The following EFHC2 variants were observed in gnomAD, a reference collection of about 807,000 sequenced individuals.
EFHC2 encodes EF-hand domain-containing family member C2.
Under a neutral mutation model 52.7 loss-of-function variants are expected in EFHC2, and 18 were observed. That is an observed-to-expected ratio of 0.34 (90% CI 0.24 to 0.51). The LOEUF is 0.51. Among genes scored for constraint, EFHC2 ranks in the 20% least tolerant of loss-of-function variants. The probability of loss-of-function intolerance (pLI) is 0.97; values close to 1 mark genes in which losing one functional copy is unlikely to be tolerated. For synonymous variants in EFHC2, 203 were observed against 204.1 expected, an observed-to-expected ratio of 0.99 and a Z score of 0.04; for missense variants, 513 against 562.5, an observed-to-expected ratio of 0.91 and a Z score of 0.89.
intron 14 of EFHC2, among the ~76,000 whole-genome samples, chrX:44,163,471 C>T (rs934165306): frequency 5.4e-5 from 6 of 111,765 alleles, no homozygotes; most frequent in Admixed American, 4.8e-4. Context: ...TTTGGTTTCA[C>T]TGTGAAATGT....
At chrX:44,162,645 C>T in intron 14 of EFHC2, among the ~76,000 whole-genome samples, 2 of 111,661 alleles carry the variant, frequency 1.8e-5, no homozygotes, top group Non-Finnish European at 3.8e-5. Flanking sequence ...CCATGCTGTC[C>T]CATGTCCAGA....
chrX:44,300,906 C>T (rs193169680), intron 2 of EFHC2, among the ~76,000 whole-genome samples: 215 of 109,259 alleles, frequency 2.0e-3, no homozygotes, highest in African/African-American at 6.9e-3. Context: ...GTCAGGAGAT[C>T]GAGACCATCC....
At chrX:44,333,686 C>T (rs1333271335) in intron 1 of EFHC2, among the ~76,000 whole-genome samples, 6 of 110,305 alleles carry the variant, frequency 5.4e-5, no homozygotes, top group African/African-American at 1.7e-4. Context: ...CCCTCTTTTC[C>T]CTTTCCCACC....
chrX:44,187,905 G>A (rs781117217), intron 11 of EFHC2, among the ~76,000 whole-genome samples: 2 of 110,101 alleles, frequency 1.8e-5, no homozygotes, highest in African/African-American at 6.6e-5. Context: ...CCACAGCAAT[G>A]GAATATCCTT....
At chrX:44,202,060 A>C (rs1466416344) in intron 11 of EFHC2, among the ~76,000 whole-genome samples, 1 of 112,326 alleles carries the variant, frequency 8.9e-6, no homozygotes, top group Admixed American at 9.4e-5. Flanking sequence ...CATAAGGATT[A>C]GAAAGGAAGA....
intron 2 of EFHC2, among the ~76,000 whole-genome samples, chrX:44,278,229 G>A (rs760328927): frequency 2.7e-5 from 3 of 111,873 alleles, no homozygotes; most frequent in Non-Finnish European, 5.6e-5. Context: ...ACAAAAAATA[G>A]CCAGGCACGG....
chrX:44,161,484 G>A (rs927215564), intron 14 of EFHC2, among the ~76,000 whole-genome samples: 16 of 111,597 alleles, frequency 1.4e-4, no homozygotes, highest in South Asian at 3.8e-4. Flanking sequence ...GGAGGAGGCC[G>A]TCAATCTGCT....
At chrX:44,308,677 G>A (rs2037923765) in intron 2 of EFHC2, among the ~76,000 whole-genome samples, 1 of 111,864 alleles carries the variant, frequency 8.9e-6, no homozygotes, top group African/African-American at 3.2e-5. Flanking sequence ...TCTTCTATCT[G>A]GCACCAACAG....
At chrX:44,158,364 C>T (rs1475283399) in intron 14 of EFHC2, among the ~76,000 whole-genome samples, 1 of 111,359 alleles carries the variant, frequency 9.0e-6, no homozygotes, top group Non-Finnish European at 1.9e-5. Flanking sequence ...GTCCTGGTAA[C>T]TTCTACAGAG....
intron 1 of EFHC2, among the ~76,000 whole-genome samples, chrX:44,320,239 G>A (rs995846406): frequency 8.9e-6 from 1 of 112,252 alleles, no homozygotes; most frequent in Admixed American, 9.5e-5. Flanking sequence ...CACTGCAACT[G>A]GCTTGGAGTA....
chrX:44,280,703 T>C lies in EFHC2; in HGVS notation c.232-7867A>G, dbSNP rs139240043. On this transcript the variant is annotated intron_variant, in intron 2 of 14. Coordinates refer to ENST00000420999, the MANE Select transcript of EFHC2 (RefSeq NM_025184.4). ...GTGTTAGCAATAACCAGCTAGACCATACAATGGGGGGAAAGTATGTTCATA... is the reference window on the plus strand; with the variant it reads ...GTGTTAGCAATAACCAGCTAGACCACACAATGGGGGGAAAGTATGTTCATA... 2.2e-3 allele frequency among the ~76,000 whole-genome samples: 246 copies of C among 111,806 alleles called. 1 individual carries two copies. The highest frequency in any genetic ancestry group is 7.6e-3 in the African/African-American group (234 of 30,799).
intron 4 of EFHC2, among the ~76,000 whole-genome samples, chrX:44,254,320 C>T (rs1434734960): frequency 9.0e-6 from 1 of 111,726 alleles, no homozygotes; most frequent in Non-Finnish European, 1.9e-5. Flanking sequence ...ATAACTAACT[C>T]CTCTGAGCTA....
chrX:44,310,312 G>C, intron 2 of EFHC2: 1 of 920,695 alleles, frequency 1.1e-6, no homozygotes, highest in Non-Finnish European at 1.5e-6. Flanking sequence ...TTCGGCTCGC[G>C]GGCTCCTGGA....
intron 13 of EFHC2, among the ~76,000 whole-genome samples, chrX:44,172,362 CAATCAG>C (rs1315843211): frequency 8.9e-6 from 1 of 112,334 alleles, no homozygotes; most frequent in Non-Finnish European, 1.9e-5. Flanking sequence ...TATGGTCTAA[CAATCAG>C]AATTTTTTGC....
At chrX:44,185,944 C>G (rs376515861) in intron 11 of EFHC2, among the ~76,000 whole-genome samples, 9 of 112,252 alleles carry the variant, frequency 8.0e-5, no homozygotes, top group East Asian at 2.8e-4. Context: ...AGAAGTACAT[C>G]TGCAGTGAAA....
intron 1 of EFHC2, among the ~76,000 whole-genome samples, chrX:44,320,462 A>G (rs1328238196): frequency 9.0e-6 from 1 of 111,721 alleles, no homozygotes; most frequent in East Asian, 2.8e-4. Context: ...CAGAAGACAG[A>G]GTGAAGTGGT....
rs1476293112 is a variant in EFHC2, at chrX:44,298,371, G to T, written c.231+14197C>A. 2.7e-5 allele frequency among the ~76,000 whole-genome samples: 3 copies of T among 111,749 alleles called. No individual in the cohort carries two copies. In the Admixed American group the frequency reaches 2.9e-4, roughly 11 times the overall value. ...AGATTCCAGGGCAGATGCACCATAAGATTCCGTTTATCTGAAATCTGAGAA... is the reference window on the plus strand; with the variant it reads ...AGATTCCAGGGCAGATGCACCATAATATTCCGTTTATCTGAAATCTGAGAA... On this transcript the variant is annotated intron_variant, in intron 2 of 14. Transcript: ENST00000420999.
intron 7 of EFHC2, among the ~76,000 whole-genome samples, chrX:44,243,135 G>A (rs1455696400): frequency 9.0e-6 from 1 of 111,106 alleles, no homozygotes; most frequent in African/African-American, 3.3e-5. Context: ...ACTCATTTGC[G>A]AGGCTGTACA....
chrX:44,232,557 T>G lies in EFHC2; in HGVS notation c.1544A>C (p.Asn515Thr). Residue 515 changes from asparagine (N) to threonine (T), a missense_variant, in exon 10 of 15, where the codon AAT becomes ACT. By Grantham distance (65) the Asn-to-Thr change is moderately conservative. Coordinates refer to ENST00000420999, the MANE Select transcript of EFHC2 (RefSeq NM_025184.4). ...CAAACGAAATAGGTAACCATTCACA[T>G]TCACCGTGACTCCAATGTACAGCTC... ...AEELYIGVTVNVNGYLFRLLN... is the reference protein window; with the variant it reads ...AEELYIGVTVTVNGYLFRLLN... 1 of 1,189,689 alleles carries G rather than the reference T, an allele frequency of 8.4e-7. No individual in the cohort carries two copies. The highest frequency in any genetic ancestry group is 1.1e-6 in the Non-Finnish European group (1 of 883,859).
Sources: allele counts gnomAD v4.1 joint callset (sites outside exome capture counted in the v4.1 genomes callset), GRCh38; gene constraint gnomAD v4.1.1; transcripts MANE v1.5; gene names NCBI Gene and HGNC (gene_info 2026-07-23, HGNC 2026-07-21).